ZNF827: variants seen among roughly 807,000 people sequenced by gnomAD.
ZNF827 encodes zinc finger protein 827.
In ZNF827, 13 loss-of-function variants were observed where a neutral mutation model predicts 102.4. That is an observed-to-expected ratio of 0.13 (90% CI 0.08 to 0.20). The LOEUF is 0.20. Ranked by LOEUF, ZNF827 falls within the 10% of genes least tolerant of loss-of-function variation. The pLI, the probability that ZNF827 is intolerant of heterozygous loss-of-function variation, is 1.00. For missense variants in ZNF827, 1,103 were observed against 1,344.4 expected, an observed-to-expected ratio of 0.82 and a Z score of 2.81; for synonymous variants, 523 against 536.2, an observed-to-expected ratio of 0.98 and a Z score of 0.34.
intron 1 of ZNF827, among the ~76,000 whole-genome samples, chr4:145,905,168 C>A (rs1751743984): frequency 6.6e-6 from 1 of 152,162 alleles, no homozygotes; most frequent in Non-Finnish European, 1.5e-5. Context: ...TCTACATATT[C>A]CACACTGTGC....
intron 11 of ZNF827, among the ~76,000 whole-genome samples, chr4:145,770,291 C>T (rs1736044500): frequency 1.4e-5 from 2 of 147,550 alleles, no homozygotes; most frequent in African/African-American, 5.1e-5. Context: ...AGAGTGAGAC[C>T]CTGTCTTAAA....
At chr4:145,846,350 C>T (rs1745938021) in intron 6 of ZNF827, among the ~76,000 whole-genome samples, 1 of 152,122 alleles carries the variant, frequency 6.6e-6, no homozygotes, top group African/African-American at 2.4e-5. Context: ...TGGTGGTGGG[C>T]ATCTATGGTC....
chr4:145,872,930 AT>A lies in ZNF827; in HGVS notation c.1748-2453del, dbSNP rs1485311327. On this transcript the variant is annotated intron_variant, in intron 4 of 14. Transcript: ENST00000508784. ...CAAGGTAGGCTTCATGAAGGCAACA[AT>A]TTTTTTTTCTTTTCTTTTTTTTTTT... is the stretch of plus-strand genomic sequence containing the variant. 8.8e-5 allele frequency among the ~76,000 whole-genome samples: 13 copies of A among 147,322 alleles called. No individual in the cohort carries two copies. The South Asian group carries it at 1.3e-3, about 15-fold the overall frequency.
intron 7 of ZNF827, among the ~76,000 whole-genome samples, chr4:145,837,453 C>T (rs1008428836): frequency 6.7e-6 from 1 of 150,256 alleles, no homozygotes; most frequent in African/African-American, 2.4e-5. Context: ...AGACACCAGA[C>T]CAACTTAGAC....
rs372537675 is a variant in ZNF827 at position 145,775,760 on chromosome 4, C to T, written c.2693+29G>A. The T allele has an allele frequency of 2.8e-5, 45 of 1,612,122 alleles. No individual in the cohort carries two copies. In the African/African-American group the frequency reaches 4.5e-4, roughly 16 times the overall value. The stretch of plus-strand genomic sequence containing the variant: ...GTTGAAGTCAAGAGTCTGAGAAAGG[C>T]GGACTAGCATGTTCCATCTGCAACT... On this transcript the variant is annotated intron_variant, in intron 10 of 14. Transcript: ENST00000508784.
At chr4:145,814,769 CAAA>C (rs773438540) in intron 8 of ZNF827, among the ~76,000 whole-genome samples, 26 of 74,334 alleles carry the variant, frequency 3.5e-4, no homozygotes, top group Admixed American at 4.2e-4. Context: ...ACTAAAAATA[CAAA>C]AAAAAAAAAA....
chr4:145,786,801 G>A lies in ZNF827; in HGVS notation c.2384-7290C>T, dbSNP rs201402239. Among the ~76,000 whole-genome samples the A allele has an allele frequency of 1.1e-4, 16 of 152,298 alleles. No individual in the cohort carries two copies. In the East Asian group the frequency reaches 1.3e-3, roughly 13 times the overall value. On this transcript the variant is annotated intron_variant, in intron 8 of 14. Transcript: ENST00000508784. Reference sequence around the variant, plus strand: ...ATCTTTGTTCCAGTGCTTGCAGCTCGTCTGTATCCCTTTTTAATTTTTTCA... The same window carrying A: ...ATCTTTGTTCCAGTGCTTGCAGCTCATCTGTATCCCTTTTTAATTTTTTCA...
chr4:145,796,908 G>T (rs562272232), intron 8 of ZNF827, among the ~76,000 whole-genome samples: 3 of 152,152 alleles, frequency 2.0e-5, no homozygotes, highest in African/African-American at 7.2e-5. Context: ...TGGGATTACT[G>T]GCATGAGCCA....
chr4:145,906,931 T>A, intron 1 of ZNF827: 1 of 404,360 alleles, frequency 2.5e-6, no homozygotes, highest in South Asian at 1.9e-5. Flanking sequence ...TAATCACTTT[T>A]CTGAAGATGC....
chr4:145,815,139 A>G (rs1742466284), intron 8 of ZNF827, among the ~76,000 whole-genome samples: 1 of 152,190 alleles, frequency 6.6e-6, no homozygotes, highest in South Asian at 2.1e-4. Context: ...GAGGAGTGGT[A>G]TGAAGAAAGT....
intron 1 of ZNF827, among the ~76,000 whole-genome samples, chr4:145,929,257 T>G (rs1395364110): frequency 1.3e-5 from 2 of 152,218 alleles, no homozygotes; most frequent in African/African-American, 4.8e-5. Context: ...CTTCTTTCTG[T>G]GTAAATAAAC....
At chr4:145,811,670 A>G (rs1312773474) in intron 8 of ZNF827, among the ~76,000 whole-genome samples, 2 of 152,200 alleles carry the variant, frequency 1.3e-5, no homozygotes, top group African/African-American at 4.8e-5. Context: ...ATACAGATAT[A>G]TCCTTTTCAT....
intron 5 of ZNF827, among the ~76,000 whole-genome samples, chr4:145,867,325 C>T (rs952232768): frequency 1.3e-5 from 2 of 152,212 alleles, no homozygotes; most frequent in African/African-American, 2.4e-5. Flanking sequence ...AGCTCATCTG[C>T]GTTTTTCCCA....
At position 145,786,498 on chromosome 4, in the gene ZNF827, ACTT is replaced by A. The variant is rs1195203962; in HGVS notation, c.2384-6990_2384-6988del. On this transcript the variant is annotated intron_variant, in intron 8 of 14. Coordinates refer to ENST00000508784, the MANE Select transcript of ZNF827 (RefSeq NM_001306215.2). Reference sequence around the variant, plus strand: ...CATTGTGACATATGGTATTTTGATCACTTCTTTCTTTCATGATCAAGGCTGGAA... The same window carrying A: ...CATTGTGACATATGGTATTTTGATCACTTTCTTTCATGATCAAGGCTGGAA... 5.3e-5 allele frequency among the ~76,000 whole-genome samples: 8 copies of A among 152,156 alleles called. No homozygotes were observed. In the East Asian group the frequency reaches 1.5e-3, roughly 29 times the overall value.
Position 145,765,639 on chromosome 4 carries a change from G to A in ZNF827, c.2960C>T (p.Ser987Phe), listed in dbSNP as rs768633380. Residue 987 changes from serine (S) to phenylalanine (F), a missense_variant, in exon 12 of 15, where the codon TCC becomes TTC. This residue lies in a region of ZNF827 where 242 missense variants were observed against 361.9 expected (regional missense o/e 0.67). Transcript: ENST00000508784. This position sits in a 1 kb window ranked among gnomAD's most constrained non-coding sequence, Gnocchi z 4.7. ...SANSKDDSDGSQKNKGGNNLL... is the reference protein window; with the variant it reads ...SANSKDDSDGFQKNKGGNNLL... ...ATTGTTCCCGCCCTTGTTTTTCTGG[G>A]AGCCATCTGAATCATCTTTGCTGTT... 6.2e-7 allele frequency: 1 copy of A among 1,614,148 alleles called. No individual in the cohort carries two copies.
chr4:145,924,912 A>C (rs1224776519), intron 1 of ZNF827, among the ~76,000 whole-genome samples: 2 of 152,134 alleles, frequency 1.3e-5, no homozygotes, highest in Non-Finnish European at 1.5e-5. Flanking sequence ...TGTTTTGGTT[A>C]ATGTATTAGT....
chr4:145,766,205 CCAGGGTCCATGCTCTT>C (rs1428925802), intron 11 of ZNF827, among the ~76,000 whole-genome samples: 2 of 152,154 alleles, frequency 1.3e-5, no homozygotes, highest in Non-Finnish European at 2.9e-5. Context: ...TCGTCTGACT[CCAGGGTCCATGCTCTT>C]CATCAGTACT....
chr4:145,908,354 G>T (rs1180698376), intron 1 of ZNF827, among the ~76,000 whole-genome samples: 1 of 152,182 alleles, frequency 6.6e-6, no homozygotes, highest in Non-Finnish European at 1.5e-5. Context: ...CATAGGATTG[G>T]AGAGATGCTT....
At chr4:145,803,383 G>GA (rs139355985) in intron 8 of ZNF827, among the ~76,000 whole-genome samples, 1,650 of 149,652 alleles carry the variant, frequency 0.011, 32 homozygotes, top group African/African-American at 0.037. Flanking sequence ...TCAGCAATTT[G>GA]AAAAAAAAAT....
Sources: gnomAD v4.1 joint callset for allele counts (sites outside exome capture counted in the v4.1 genomes callset) on GRCh38, gnomAD v4.1.1 for gene constraint, gnomAD v4.1.1 regional missense constraint, Gnocchi (gnomAD v3.1) non-coding constraint, MANE v1.5 for transcripts, NCBI Gene and HGNC (gene_info 2026-07-23, HGNC 2026-07-21) for gene names.